Variants in PLXNA2 observed in about 807,000 individuals in gnomAD.
PLXNA2 encodes plexin-A2.
PLXNA2 carries 91 observed loss-of-function variants against 193.5 expected under a neutral mutation model. That is an observed-to-expected ratio of 0.47 (90% CI 0.40 to 0.56). The LOEUF is 0.56. Among genes scored for constraint, PLXNA2 ranks in the 20% least tolerant of loss-of-function variants. PLXNA2 has a pLI of 0.00. For synonymous variants in PLXNA2, 997 were observed against 1,027.3 expected, an observed-to-expected ratio of 0.97 and a Z score of 0.56; for missense variants, 1,995 against 2,503.2, an observed-to-expected ratio of 0.80 and a Z score of 4.33.
At position 208,081,823 on chromosome 1, in the gene PLXNA2, G is replaced by A. The variant is rs547588782; in HGVS notation, c.2395+589C>T. Among the ~76,000 whole-genome samples, 10 of 152,274 alleles carry A rather than the reference G, an allele frequency of 6.6e-5. No homozygotes were observed. In the South Asian group the frequency reaches 2.1e-3, roughly 32 times the overall value. ...GTGGAATCTTGGCATTTGCTGCACT[G>A]AGGGTCGGGCCTAACTGGCACATGG... On this transcript the variant is annotated intron_variant, in intron 11 of 31. Coordinates refer to ENST00000367033, the MANE Select transcript of PLXNA2 (RefSeq NM_025179.4).
intron 3 of PLXNA2, among the ~76,000 whole-genome samples, chr1:208,197,431 C>A (rs1002252774): frequency 2.0e-5 from 3 of 152,208 alleles, no homozygotes; most frequent in Admixed American, 6.5e-5. Flanking sequence ...ACCGGGTTTC[C>A]CCGTGACTAA....
chr1:208,082,543 T>C lies in PLXNA2; in HGVS notation c.2299-35A>G, dbSNP rs1666382055. 6.7e-7 allele frequency: 1 copy of C among 1,489,814 alleles called. No individual in the cohort carries two copies. Among genetic ancestry groups the C allele is most frequent in the East Asian group, 2.3e-5 (1 of 44,138 alleles). The allele number at this position is 1,489,814 out of a possible 1,614,324, so 92.3% of individuals were successfully genotyped here. The stretch of plus-strand genomic sequence containing the variant: ...GACGGGCAGAGGCATGGGGCTCATG[T>C]GGCTCTCTATCACAGGGGTCAGGGA... On this transcript the variant is annotated intron_variant, in intron 10 of 31. Coordinates refer to ENST00000367033, the MANE Select transcript of PLXNA2 (RefSeq NM_025179.4). The surrounding 1 kb of genome is among the most constrained non-coding windows in gnomAD (Gnocchi z 4.2).
intron 4 of PLXNA2, among the ~76,000 whole-genome samples, chr1:208,133,198 TCCC>T (rs1668211392): frequency 6.6e-6 from 1 of 152,164 alleles, no homozygotes; most frequent in African/African-American, 2.4e-5. Context: ...CCAGGACAGG[TCCC>T]TTCCTGGTGG....
At chr1:208,116,519 T>C (rs770974133) in intron 4 of PLXNA2, among the ~76,000 whole-genome samples, 3 of 152,200 alleles carry the variant, frequency 2.0e-5, no homozygotes, top group African/African-American at 7.2e-5. Context: ...CGAGTATCCA[T>C]TCGGTGACTT....
At chr1:208,042,803 C>G (rs1664918842) in intron 21 of PLXNA2, among the ~76,000 whole-genome samples, 1 of 152,222 alleles carries the variant, frequency 6.6e-6, no homozygotes, top group Non-Finnish European at 1.5e-5. Context: ...TAGAATGAGG[C>G]AGGATCTTAG....
chr1:208,113,214 C>T (rs1667540754), intron 4 of PLXNA2, among the ~76,000 whole-genome samples: 1 of 152,150 alleles, frequency 6.6e-6, no homozygotes, highest in African/African-American at 2.4e-5. Context: ...CTTATAGGGT[C>T]CACATTGACT....
intron 4 of PLXNA2, among the ~76,000 whole-genome samples, chr1:208,116,103 C>T (rs1348726913): frequency 6.6e-6 from 1 of 152,182 alleles, no homozygotes; most frequent in Non-Finnish European, 1.5e-5. Context: ...GCCTCCATGC[C>T]TTTGCTCATA....
chr1:208,064,985 G>A (rs1665745020), intron 12 of PLXNA2, among the ~76,000 whole-genome samples: 1 of 152,118 alleles, frequency 6.6e-6, no homozygotes, highest in Non-Finnish European at 1.5e-5. Flanking sequence ...TGGCTCTCCT[G>A]GAAGCCAAGT....
At chr1:208,129,311 G>C (rs2102463270) in intron 4 of PLXNA2, among the ~76,000 whole-genome samples, 1 of 152,236 alleles carries the variant, frequency 6.6e-6, no homozygotes, top group East Asian at 1.9e-4. Flanking sequence ...TTAGATACAG[G>C]GTATGTCCAG....
intron 1 of PLXNA2, among the ~76,000 whole-genome samples, chr1:208,239,873 T>A (rs1671989785): frequency 6.6e-6 from 1 of 151,292 alleles, no homozygotes; most frequent in Non-Finnish European, 1.5e-5. Flanking sequence ...GAGGAAGAGG[T>A]GAGTGGGGGT....
At chr1:208,069,067 G>T (rs1346179973) in intron 12 of PLXNA2, among the ~76,000 whole-genome samples, 1 of 152,166 alleles carries the variant, frequency 6.6e-6, no homozygotes, top group African/African-American at 2.4e-5. Flanking sequence ...CCACGCCCAG[G>T]TATAAAGGTG....
intron 1 of PLXNA2, among the ~76,000 whole-genome samples, chr1:208,222,612 G>A (rs1459939619): frequency 2.0e-5 from 3 of 152,144 alleles, no homozygotes; most frequent in South Asian, 4.1e-4. Flanking sequence ...CAGCTGCTGC[G>A]GGCGTCAGTG....
At position 208,092,765 on chromosome 1, in the gene PLXNA2, GT is replaced by G; in HGVS notation, c.2097+20del. On this transcript the variant is annotated intron_variant, in intron 9 of 31. Transcript: ENST00000367033. ...TCAGACTCACTGGGAACACTGCCAT[GT>G]TAGGGTAAGCCCTTCTTACCTCTGA... 1 of 1,546,768 alleles carries G rather than the reference GT, an allele frequency of 6.5e-7. No individual in the cohort carries two copies. The highest frequency in any genetic ancestry group is 8.9e-7 in the Non-Finnish European group (1 of 1,120,546).
chr1:208,164,305 C>A (rs1209612719), intron 3 of PLXNA2, among the ~76,000 whole-genome samples: 1 of 152,190 alleles, frequency 6.6e-6, no homozygotes. Flanking sequence ...CAACATCTAC[C>A]TGAGGAGGCG....
chr1:208,090,442 C>T (rs562383639), intron 9 of PLXNA2, among the ~76,000 whole-genome samples: 102 of 152,164 alleles, frequency 6.7e-4, no homozygotes, highest in African/African-American at 2.3e-3. Flanking sequence ...GGCCCAGCTC[C>T]GGAATGTTGA....
At chr1:208,221,266 T>A (rs1346475647) in intron 1 of PLXNA2, among the ~76,000 whole-genome samples, 1 of 152,154 alleles carries the variant, frequency 6.6e-6, no homozygotes, top group Non-Finnish European at 1.5e-5. Context: ...TCAGATAAAA[T>A]GCTACCTCGA....
At chr1:208,231,708 G>A (rs958920734) in intron 1 of PLXNA2, among the ~76,000 whole-genome samples, 2 of 152,348 alleles carry the variant, frequency 1.3e-5, no homozygotes, top group African/African-American at 2.4e-5. Flanking sequence ...TGGTGAGGTT[G>A]AGAGCAGCAT....
chr1:208,102,685 G>A (rs184796404), intron 5 of PLXNA2, among the ~76,000 whole-genome samples: 62 of 152,344 alleles, frequency 4.1e-4, no homozygotes, highest in African/African-American at 1.3e-3. Flanking sequence ...CAGCAATGGA[G>A]AAACAGAGGC....
At chr1:208,196,441 G>T (rs941059520) in intron 3 of PLXNA2, among the ~76,000 whole-genome samples, 1 of 152,136 alleles carries the variant, frequency 6.6e-6, no homozygotes, top group Non-Finnish European at 1.5e-5. Flanking sequence ...ACACAGAGTG[G>T]GTAAATGTAC....
Sources: allele counts gnomAD v4.1 joint callset (sites outside exome capture counted in the v4.1 genomes callset), GRCh38; gene constraint gnomAD v4.1.1; non-coding constraint Gnocchi (gnomAD v3.1); transcripts MANE v1.5; gene names NCBI Gene and HGNC (gene_info 2026-07-23, HGNC 2026-07-21).